Variants in PIR observed in about 807,000 individuals in gnomAD.
The protein encoded by PIR is pirin, also known as pirin (iron-binding nuclear protein).
In PIR, 22 loss-of-function variants were observed where a neutral mutation model predicts 24.2. The observed-to-expected ratio is 0.91, with a 90% confidence interval of 0.65 to 1.30. The LOEUF is 1.30. Among genes scored for constraint, PIR ranks in the 50% most tolerant of loss-of-function variants. The probability of loss-of-function intolerance (pLI) is 0.00; values close to 1 mark genes in which losing one functional copy is unlikely to be tolerated. For missense variants in PIR, 220 were observed against 220.3 expected (o/e 1.00, Z 0.01); for synonymous variants, 80 against 79.6 (o/e 1.00, Z -0.03).
intron 4 of PIR, among the ~76,000 whole-genome samples, chrX:15,457,198 C>A (rs1190652288): frequency 2.7e-5 from 3 of 111,992 alleles, no homozygotes. Flanking sequence ...TATTTAGACT[C>A]TAATTCCCAT....
chrX:15,420,211 G>GACA (rs772336802), intron 6 of PIR, among the ~76,000 whole-genome samples: 6 of 111,075 alleles, frequency 5.4e-5, no homozygotes, highest in South Asian at 7.6e-4. Flanking sequence ...CAACAACAAC[G>GACA]ACAACAACAA....
At chrX:15,445,141 G>A (rs1184100283) in intron 5 of PIR, among the ~76,000 whole-genome samples, 2 of 111,397 alleles carry the variant, frequency 1.8e-5, no homozygotes, top group African/African-American at 6.5e-5. Flanking sequence ...GCCCAGAGAT[G>A]AGAAGAAAAT....
chrX:15,465,071 T>C (rs11094682), intron 3 of PIR, among the ~76,000 whole-genome samples: 1 of 110,488 alleles, frequency 9.1e-6, no homozygotes, highest in Admixed American at 9.7e-5. Context: ...AACACTTTTT[T>C]AAAAAGATTC....
chrX:15,403,993 C>CTTTTTTTTTTTTTTTTTTTTT (rs151011282), intron 7 of PIR, among the ~76,000 whole-genome samples: 2 of 89,911 alleles, frequency 2.2e-5, no homozygotes, highest in Non-Finnish European at 2.2e-5. Flanking sequence ...CCAGCATTTT[C>CTTTTTTTTTTTTTTTTTTTTT]TTTTTTTTTT....
At chrX:15,466,006 GT>G (rs200803758) in intron 3 of PIR, among the ~76,000 whole-genome samples, 346 of 63,048 alleles carry the variant, frequency 5.5e-3, no homozygotes, top group South Asian at 0.031. Context: ...AATGGTGGCT[GT>G]TTTTTTTTTT....
chrX:15,482,352 T>A (rs1485113272), intron 2 of PIR, among the ~76,000 whole-genome samples: 1 of 112,014 alleles, frequency 8.9e-6, no homozygotes, highest in South Asian at 3.7e-4. Flanking sequence ...GATTGCTTTA[T>A]AAAGTTTTAT....
chrX:15,484,306 CTTTTT>C (rs1193474348), intron 2 of PIR, among the ~76,000 whole-genome samples: 37 of 67,479 alleles, frequency 5.5e-4, no homozygotes, highest in Non-Finnish European at 8.6e-4. Context: ...TCTCAATTTT[CTTTTT>C]TTTTTTTTTT....
intron 5 of PIR, 78 bp from the exon 6 acceptor site, chrX:15,426,068 T>C: frequency 3.2e-6 from 2 of 634,611 alleles, no homozygotes; most frequent in South Asian, 2.4e-5. Flanking sequence ...CCTTCTGTAA[T>C]AGGCCTGGAC....
chrX:15,470,633 C>G (rs1393801859), intron 3 of PIR, among the ~76,000 whole-genome samples: 1 of 86,428 alleles, frequency 1.2e-5, no homozygotes, highest in African/African-American at 4.7e-5. Context: ...CAGAGTTTCA[C>G]TCTTGTTGCC....
chrX:15,416,375 G>C (rs933061946), intron 6 of PIR, among the ~76,000 whole-genome samples: 10 of 111,777 alleles, frequency 8.9e-5, no homozygotes, highest in African/African-American at 2.9e-4. Context: ...TAAAAGTAGA[G>C]AAAGACTATG....
At chrX:15,400,566 T>C (rs890779177) in intron 7 of PIR, among the ~76,000 whole-genome samples, 1 of 110,778 alleles carries the variant, frequency 9.0e-6, no homozygotes, top group African/African-American at 3.3e-5. Context: ...TTGACTATGG[T>C]GTTCATTGGT....
At chrX:15,438,167 T>C (rs961789377) in intron 5 of PIR, among the ~76,000 whole-genome samples, 61 of 112,331 alleles carry the variant, frequency 5.4e-4, no homozygotes, top group African/African-American at 1.9e-3. Context: ...AATTGAAGAA[T>C]TGACCAGATC....
intron 7 of PIR, among the ~76,000 whole-genome samples, chrX:15,402,048 T>A (rs1010352471): frequency 8.9e-6 from 1 of 112,134 alleles, no homozygotes; most frequent in African/African-American, 3.2e-5. Flanking sequence ...TTGTAAATGT[T>A]TAAAAATACT....
intron 5 of PIR, among the ~76,000 whole-genome samples, chrX:15,431,193 C>T (rs1925493485): frequency 9.0e-6 from 1 of 111,656 alleles, no homozygotes; most frequent in Admixed American, 9.5e-5. Context: ...GAGAAAGAAA[C>T]AGTGTTTCTA....
At chrX:15,484,310 T>TTTC (rs1555962951) in intron 2 of PIR, among the ~76,000 whole-genome samples, 1 of 76,292 alleles carries the variant, frequency 1.3e-5, no homozygotes, top group East Asian at 3.9e-4. Flanking sequence ...AATTTTCTTT[T>TTTC]TTTTTTTTTT....
intron 7 of PIR, among the ~76,000 whole-genome samples, chrX:15,399,070 G>A (rs1289994392): frequency 9.0e-6 from 1 of 111,232 alleles, no homozygotes; most frequent in African/African-American, 3.3e-5. Context: ...GAGGGGGTGA[G>A]ATTTGGATTA....
chrX:15,485,007 G>C (rs1270690517), intron 2 of PIR, among the ~76,000 whole-genome samples: 1 of 112,162 alleles, frequency 8.9e-6, no homozygotes, highest in Non-Finnish European at 1.9e-5. Flanking sequence ...TGAGAAACAT[G>C]TTCAGGAGAA....
intron 2 of PIR, among the ~76,000 whole-genome samples, chrX:15,480,261 T>G (rs1305930613): frequency 1.8e-5 from 2 of 110,963 alleles, no homozygotes; most frequent in Non-Finnish European, 3.8e-5. Flanking sequence ...CCCAGCCACA[T>G]GGAGCTGTTT....
chrX:15,486,297 T>TAAAAAAAAAAAAAAAAAAAAAAA (rs1922811339), intron 2 of PIR, among the ~76,000 whole-genome samples: 1 of 11,983 alleles, frequency 8.3e-5, no homozygotes, highest in Admixed American at 1.4e-3. Flanking sequence ...AGACTCTGTC[T>TAAAAAAAAAAAAAAAAAAAAAAA]CAAAAAAAAA....
Sources: gnomAD v4.1 joint callset for allele counts (sites outside exome capture counted in the v4.1 genomes callset) on GRCh38, gnomAD v4.1.1 for gene constraint, MANE v1.5 for transcripts, NCBI Gene and HGNC (gene_info 2026-07-23, HGNC 2026-07-21) for gene names.